Variants in GSE1 observed in about 807,000 individuals in gnomAD.
GSE1 encodes the protein genetic suppressor element 1.
Under a neutral mutation model 112.6 loss-of-function variants are expected in GSE1, and 32 were observed. That is an observed-to-expected ratio of 0.28 (90% CI 0.21 to 0.38). GSE1 has a LOEUF of 0.38. Among genes scored for constraint, GSE1 ranks in the 10% least tolerant of loss-of-function variants. The probability of loss-of-function intolerance (pLI) is 1.00; values close to 1 mark genes in which losing one functional copy is unlikely to be tolerated. For synonymous variants in GSE1, 1,115 were observed against 735.6 expected, an observed-to-expected ratio of 1.52 and a Z score of -8.35; for missense variants, 2,348 against 1,699.2, an observed-to-expected ratio of 1.38 and a Z score of -6.71.
At position 85,363,262 on chromosome 16, in the gene GSE1, C is replaced by T. The variant is rs558582454; in HGVS notation, c.2464+5619C>T. The stretch of plus-strand genomic sequence containing the variant: ...CCATGTTCCAGGGGCTCCTCCCTTT[C>T]TCACCTGCCATACTGGGGTGTTGCC... On this transcript the variant is annotated intron_variant, in intron 2 of 2. Coordinates refer to the GSE1 transcript ENST00000637419. Among the ~76,000 whole-genome samples the T allele has an allele frequency of 2.6e-5, 4 of 152,368 alleles. No homozygotes were observed. The East Asian group carries it at 7.7e-4, about 29-fold the overall frequency.
intron 2 of GSE1, among the ~76,000 whole-genome samples, chr16:85,421,877 T>G (rs541995085): frequency 7.9e-5 from 12 of 152,148 alleles, no homozygotes; most frequent in African/African-American, 2.9e-4. Flanking sequence ...AGGGCCTTTT[T>G]CCTAAAAGAA....
At chr16:85,494,549 A>G (rs750918251) in intron 2 of GSE1, among the ~76,000 whole-genome samples, 5 of 150,430 alleles carry the variant, frequency 3.3e-5, no homozygotes, top group Non-Finnish European at 5.9e-5. Flanking sequence ...ACTTCCAGGC[A>G]TGCCCCACCA....
chr16:85,419,925 C>T lies in GSE1; in HGVS notation c.2464+62282C>T, dbSNP rs1162194004. Among the ~76,000 whole-genome samples the T allele has an allele frequency of 6.6e-6, 1 of 152,198 alleles. No homozygotes were observed. The highest frequency in any genetic ancestry group is 6.5e-5 in the Admixed American group (1 of 15,292). On this transcript the variant is annotated intron_variant, in intron 2 of 2. Transcript: ENST00000637419. The surrounding 1 kb of genome is among the most constrained non-coding windows in gnomAD (Gnocchi z 6.5). ...ACTGGGCTGGAACAGAACTGAGGGA[C>T]AGCAGGGGCAAAGTCTGAGCTAGGA...
chr16:85,569,675 G>A (rs1235294996), intron 1 of GSE1, among the ~76,000 whole-genome samples: 1 of 152,226 alleles, frequency 6.6e-6, no homozygotes, highest in East Asian at 1.9e-4. Flanking sequence ...CTCAGTGCCA[G>A]CACACACGGG....
intron 1 of GSE1, among the ~76,000 whole-genome samples, chr16:85,572,123 C>G (rs973886133): frequency 2.7e-5 from 4 of 149,658 alleles, no homozygotes; most frequent in Admixed American, 2.7e-4. Flanking sequence ...ACAACGCACA[C>G]ACACACACCA....
chr16:85,269,657 G>A (rs1476172529), intron 1 of GSE1, among the ~76,000 whole-genome samples: 1 of 149,236 alleles, frequency 6.7e-6, no homozygotes, highest in East Asian at 1.9e-4. Context: ...AAGCCCCTCT[G>A]TCCAGCCTTC....
intron 1 of GSE1, among the ~76,000 whole-genome samples, chr16:85,174,971 G>A (rs2074431587): frequency 6.6e-6 from 1 of 152,218 alleles, no homozygotes; most frequent in Non-Finnish European, 1.5e-5. Context: ...GGCAGTGGAA[G>A]TTAGCTGCGG....
intron 2 of GSE1, among the ~76,000 whole-genome samples, chr16:85,371,532 C>T (rs1473678637): frequency 6.6e-6 from 1 of 152,192 alleles, no homozygotes; most frequent in African/African-American, 2.4e-5. Context: ...AGTGCCCAGG[C>T]GCAGGCGTTA....
chr16:85,627,483 C>CT (rs901240024), intron 1 of GSE1, among the ~76,000 whole-genome samples: 30 of 149,822 alleles, frequency 2.0e-4, no homozygotes, highest in South Asian at 4.3e-4. Flanking sequence ...GCTGTGGCAG[C>CT]TTTTTTTTTC....
At chr16:85,651,874 C>G (rs569732718) in intron 3 of GSE1, among the ~76,000 whole-genome samples, 27 of 152,328 alleles carry the variant, frequency 1.8e-4, no homozygotes, top group African/African-American at 6.5e-4. Context: ...CATTGGGGTG[C>G]TACTTGGATG....
upstream of GSE1, among the ~76,000 whole-genome samples, chr16:85,612,377 G>A (rs975895792): frequency 3.8e-4 from 58 of 152,014 alleles, 3 homozygotes; most frequent in South Asian, 2.1e-4. Context: ...AAGTGCCTGG[G>A]TGAGGTAGGG....
intron 1 of GSE1, among the ~76,000 whole-genome samples, chr16:85,196,483 CTT>C (rs1213726104): frequency 2.6e-5 from 4 of 152,100 alleles, no homozygotes; most frequent in Admixed American, 6.6e-5. Flanking sequence ...GTGTGACTTT[CTT>C]AATTTGAGAG....
upstream of GSE1, among the ~76,000 whole-genome samples, chr16:85,610,788 T>G (rs942857667): frequency 9.2e-5 from 14 of 152,206 alleles, no homozygotes; most frequent in African/African-American, 4.8e-5. Flanking sequence ...GCAGCTTGCA[T>G]GTCACCTGTG....
chr16:85,609,516 C>T (rs2047869051), upstream of GSE1, among the ~76,000 whole-genome samples: 1 of 152,240 alleles, frequency 6.6e-6, no homozygotes, highest in Admixed American at 6.5e-5. Flanking sequence ...TGAAAAACCG[C>T]CCACCCTCTG....
chr16:85,285,525 T>G (rs1298198282), intron 1 of GSE1: 1 of 151,680 alleles, frequency 6.6e-6, no homozygotes, highest in Non-Finnish European at 1.5e-5. Context: ...CTACTAAAAA[T>G]ACAAAAATTA....
intron 1 of GSE1, among the ~76,000 whole-genome samples, chr16:85,306,599 A>G (rs2045685554): frequency 1.3e-5 from 2 of 152,166 alleles, no homozygotes; most frequent in African/African-American, 4.8e-5. Flanking sequence ...CCCAGGCTGG[A>G]GTGCAGTGGT....
intron 1 of GSE1, among the ~76,000 whole-genome samples, chr16:85,572,199 A>C (rs1320181605): frequency 5.4e-5 from 8 of 148,310 alleles, no homozygotes; most frequent in Admixed American, 5.4e-4. Flanking sequence ...TACACACACA[A>C]CACACACAGC....
chr16:85,173,537 G>C (rs2074400579), intron 1 of GSE1, among the ~76,000 whole-genome samples: 1 of 152,190 alleles, frequency 6.6e-6, no homozygotes, highest in African/African-American at 2.4e-5. Context: ...ATGTGGGTTG[G>C]TTCTGTGTGC....
At chr16:85,562,154 G>A (rs2045549750) in intron 1 of GSE1, among the ~76,000 whole-genome samples, 1 of 150,822 alleles carries the variant, frequency 6.6e-6, no homozygotes, top group Non-Finnish European at 1.5e-5. Flanking sequence ...GATTGAGAAA[G>A]CTGCTTATTT....
Sources: allele counts gnomAD v4.1 joint callset (sites outside exome capture counted in the v4.1 genomes callset), GRCh38; gene constraint gnomAD v4.1.1; non-coding constraint Gnocchi (gnomAD v3.1); transcripts MANE v1.5; gene names NCBI Gene and HGNC (gene_info 2026-07-23, HGNC 2026-07-21).